Variants in BMPR1B observed in about 807,000 individuals in gnomAD.
BMPR1B encodes bone morphogenetic protein receptor type 1B.
Under a neutral mutation model 59.1 loss-of-function variants are expected in BMPR1B, and 12 were observed. The observed-to-expected ratio is 0.20, with a 90% CI of 0.13 to 0.33. The LOEUF (loss-of-function observed/expected upper bound fraction) is 0.33. Ranked by LOEUF, BMPR1B falls within the 10% of genes least tolerant of loss-of-function variation. BMPR1B has a pLI of 1.00. For synonymous variants in BMPR1B, 237 were observed against 207.3 expected, an observed-to-expected ratio of 1.14 and a Z score of -1.23; for missense variants, 550 against 610.9, an observed-to-expected ratio of 0.90 and a Z score of 1.05.
chr4:95,152,866 T>C lies in BMPR1B; in HGVS notation c.1383+93T>C, dbSNP rs186171440. On this transcript the variant is annotated intron_variant, in intron 12 of 12. Coordinates refer to ENST00000515059, the MANE Select transcript of BMPR1B (RefSeq NM_001203.3). Reference sequence around the variant, plus strand: ...TCCACATATTGATTGTAGGAATTCTTCTTTTTTTGATGGTGATGGTGATGG... The same window carrying C: ...TCCACATATTGATTGTAGGAATTCTCCTTTTTTTGATGGTGATGGTGATGG... The C allele has an allele frequency of 7.9e-4, 1,177 of 1,495,820 alleles. 11 individuals carry two copies. In the African/African-American group the frequency reaches 0.014, roughly 18 times the overall value. 92.7% of individuals were successfully genotyped at this position (1,495,820 alleles called of 1,614,324 possible).
chr4:94,884,519 C>CT (rs1192911067), intron 2 of BMPR1B, among the ~76,000 whole-genome samples: 5 of 150,850 alleles, frequency 3.3e-5, no homozygotes, highest in African/African-American at 5.0e-5. Flanking sequence ...GAGCGAGACT[C>CT]TGTCTCAAAA....
chr4:94,867,292 G>C (rs1011172211), intron 1 of BMPR1B, among the ~76,000 whole-genome samples: 1 of 152,084 alleles, frequency 6.6e-6, no homozygotes, highest in Non-Finnish European at 1.5e-5. Context: ...CAACATGTTT[G>C]TGTGTTCCAT....
intron 1 of BMPR1B, among the ~76,000 whole-genome samples, chr4:94,798,522 A>G (rs1723278792): frequency 6.6e-6 from 1 of 152,204 alleles, no homozygotes; most frequent in African/African-American, 2.4e-5. Context: ...AAGAAATCTG[A>G]TCACATCCAG....
chr4:94,845,088 A>G (rs1427437503), intron 1 of BMPR1B, among the ~76,000 whole-genome samples: 1 of 91,432 alleles, frequency 1.1e-5, no homozygotes, highest in Non-Finnish European at 2.2e-5. Context: ...ACACTAAAAG[A>G]TGAAAAAAAT....
At chr4:94,803,557 G>C (rs1723490020) in intron 1 of BMPR1B, among the ~76,000 whole-genome samples, 1 of 152,074 alleles carries the variant, frequency 6.6e-6, no homozygotes, top group Non-Finnish European at 1.5e-5. Flanking sequence ...TATCAAAAAT[G>C]GGCAGAATGC....
intron 3 of BMPR1B, among the ~76,000 whole-genome samples, chr4:95,024,006 A>G (rs983504511): frequency 1.3e-5 from 2 of 152,158 alleles, no homozygotes; most frequent in South Asian, 2.1e-4. Context: ...AGATCCTGTG[A>G]TCCTTAGTTC....
At chr4:94,810,910 C>A (rs1050033236) in intron 1 of BMPR1B, among the ~76,000 whole-genome samples, 1 of 152,082 alleles carries the variant, frequency 6.6e-6, no homozygotes, top group South Asian at 2.1e-4. Context: ...TGCGTGTGTG[C>A]ATGTGTATGT....
intron 10 of BMPR1B, among the ~76,000 whole-genome samples, chr4:95,137,206 T>C (rs1390538350): frequency 1.3e-5 from 2 of 152,196 alleles, no homozygotes; most frequent in Non-Finnish European, 2.9e-5. Flanking sequence ...AGTTGCCATG[T>C]AGTTGAGCGG....
chr4:94,994,916 A>T (rs1363257806), intron 2 of BMPR1B, among the ~76,000 whole-genome samples: 2 of 152,204 alleles, frequency 1.3e-5, no homozygotes, highest in East Asian at 3.9e-4. Context: ...CAAAGTTGCC[A>T]TGTGACCCTG....
At chr4:94,832,656 G>A (rs925016682) in intron 1 of BMPR1B, among the ~76,000 whole-genome samples, 2 of 152,056 alleles carry the variant, frequency 1.3e-5, no homozygotes, top group African/African-American at 2.4e-5. Context: ...GGTGGTGTAC[G>A]CCTGTAATCC....
intron 6 of BMPR1B, among the ~76,000 whole-genome samples, chr4:95,116,415 G>GCACACACACACACACACA (rs1491178901): frequency 7.4e-5 from 5 of 67,900 alleles, no homozygotes; most frequent in African/African-American, 4.0e-4. Context: ...CATGCTTTCA[G>GCACACACACACACACACA]CGCGCGCACA....
chr4:95,024,518 G>C (rs527421269), intron 3 of BMPR1B, among the ~76,000 whole-genome samples: 1 of 152,240 alleles, frequency 6.6e-6, no homozygotes, highest in South Asian at 2.1e-4. Flanking sequence ...AGAGTTACCT[G>C]ACAAGGGCTT....
At chr4:95,108,068 A>T (rs1731319596) in intron 4 of BMPR1B, among the ~76,000 whole-genome samples, 1 of 152,100 alleles carries the variant, frequency 6.6e-6, no homozygotes, top group East Asian at 1.9e-4. Flanking sequence ...ACTTTGCTAA[A>T]TTATAATAAA....
intron 10 of BMPR1B, among the ~76,000 whole-genome samples, chr4:95,138,613 C>G (rs1444572637): frequency 1.3e-5 from 2 of 152,086 alleles, no homozygotes; most frequent in Non-Finnish European, 2.9e-5. Flanking sequence ...TTACTTTTTA[C>G]TCTTTTTTCT....
At chr4:95,066,438 T>C (rs577304037) in intron 3 of BMPR1B, among the ~76,000 whole-genome samples, 2 of 152,316 alleles carry the variant, frequency 1.3e-5, no homozygotes, top group South Asian at 2.1e-4. Flanking sequence ...TAATAACATA[T>C]GATGGCAAAG....
chr4:95,031,573 C>T (rs1459036832), intron 3 of BMPR1B, among the ~76,000 whole-genome samples: 1 of 152,044 alleles, frequency 6.6e-6, no homozygotes, highest in Non-Finnish European at 1.5e-5. Flanking sequence ...ATTCTCCCAC[C>T]TCAGCTTTTC....
At chr4:95,034,617 T>G (rs2149162308) in intron 3 of BMPR1B, among the ~76,000 whole-genome samples, 1 of 151,426 alleles carries the variant, frequency 6.6e-6, no homozygotes, top group African/African-American at 2.4e-5. Context: ...TTTCATTTTT[T>G]TATGGCTTAG....
chr4:95,020,375 C>T (rs6532526), intron 3 of BMPR1B, among the ~76,000 whole-genome samples: 103,063 of 152,036 alleles, frequency 0.68, 35,417 homozygotes, highest in Middle Eastern at 0.79. Context: ...GTCAAAAGAT[C>T]GAGACTATCC....
intron 3 of BMPR1B, among the ~76,000 whole-genome samples, chr4:95,000,285 C>T (rs761034571): frequency 1.3e-5 from 2 of 152,020 alleles, no homozygotes; most frequent in Non-Finnish European, 2.9e-5. Flanking sequence ...TTGGTATTTT[C>T]ATAGGAAAAT....
Sources: gnomAD v4.1 joint callset for allele counts (sites outside exome capture counted in the v4.1 genomes callset) on GRCh38, gnomAD v4.1.1 for gene constraint, MANE v1.5 for transcripts, NCBI Gene and HGNC (gene_info 2026-07-23, HGNC 2026-07-21) for gene names.